FHIT: variants seen among roughly 807,000 people sequenced by gnomAD.
The protein encoded by FHIT is bis(5'-adenosyl)-triphosphatase.
Under a neutral mutation model 17.9 loss-of-function variants are expected in FHIT, and 19 were observed. The observed-to-expected ratio is 1.06, with a 90% CI of 0.74 to 1.56. The LOEUF is 1.56. FHIT is among the 40% of genes most tolerant of loss of function. The pLI, the probability that FHIT is intolerant of heterozygous loss-of-function variation, is 0.00. For missense variants in FHIT, 248 were observed against 189.2 expected (o/e 1.31, Z -1.82); for synonymous variants, 81 against 69.7 (o/e 1.16, Z -0.81).
intron 3 of FHIT, among the ~76,000 whole-genome samples, chr3:60,842,646 T>TA (rs1491100730): frequency 0.55 from 43,459 of 78,338 alleles, 11,202 homozygotes; most frequent in East Asian, 0.65. Context: ...TATATATATA[T>TA]TTTTTTTTTT....
intron 4 of FHIT, among the ~76,000 whole-genome samples, chr3:60,612,799 T>G (rs1046829035): frequency 4.6e-5 from 7 of 152,152 alleles, no homozygotes; most frequent in African/African-American, 1.4e-4. Context: ...CACTCCCATC[T>G]CCTCAGGCTG....
intron 7 of FHIT, among the ~76,000 whole-genome samples, chr3:59,952,286 C>T (rs1210362560): frequency 1.3e-5 from 2 of 152,206 alleles, no homozygotes; most frequent in Non-Finnish European, 2.9e-5. Context: ...AGACCACCCA[C>T]ACTGTGCATT....
chr3:59,795,584 C>T (rs1427436228), intron 8 of FHIT, among the ~76,000 whole-genome samples: 1 of 150,484 alleles, frequency 6.6e-6, no homozygotes, highest in Non-Finnish European at 1.5e-5. Context: ...ATGAGCTGGG[C>T]ACGGTGGTGG....
chr3:60,102,768 G>T (rs758461136), intron 5 of FHIT, among the ~76,000 whole-genome samples: 4 of 151,960 alleles, frequency 2.6e-5, no homozygotes, highest in Non-Finnish European at 5.9e-5. Context: ...CATCATTACA[G>T]GATTCAAGGG....
intron 4 of FHIT, among the ~76,000 whole-genome samples, chr3:60,751,259 A>C (rs1164148559): frequency 2.0e-5 from 3 of 152,234 alleles, no homozygotes; most frequent in Admixed American, 1.3e-4. Context: ...CTCTTTTCTA[A>C]TTTTATATAG....
chr3:60,833,112 A>T (rs1702390871), intron 3 of FHIT, among the ~76,000 whole-genome samples: 3 of 152,116 alleles, frequency 2.0e-5, no homozygotes, highest in Non-Finnish European at 2.9e-5. Context: ...CCTGGGTGCC[A>T]TTGTTCTGAG....
chr3:60,210,757 C>T (rs892510038), intron 5 of FHIT, among the ~76,000 whole-genome samples: 51 of 151,960 alleles, frequency 3.4e-4, no homozygotes, highest in Non-Finnish European at 1.5e-5. Flanking sequence ...AGTATGTTGG[C>T]CAGACTTAGG....
chr3:60,486,106 C>A (rs2687174), intron 5 of FHIT, among the ~76,000 whole-genome samples: 151,904 of 152,214 alleles, frequency 1, 75,797 homozygotes, highest in Non-Finnish European at 1. Context: ...ACTAACTAAT[C>A]TATGCTGTCC....
intron 5 of FHIT, among the ~76,000 whole-genome samples, chr3:60,350,655 C>A (rs976840980): frequency 4.6e-5 from 7 of 152,106 alleles, no homozygotes; most frequent in African/African-American, 1.7e-4. Context: ...AACAGTGCTA[C>A]TTAAAGTATG....
chr3:60,929,408 G>C (rs1224305484), intron 3 of FHIT, among the ~76,000 whole-genome samples: 1 of 152,188 alleles, frequency 6.6e-6, no homozygotes, highest in African/African-American at 2.4e-5. Context: ...ATTAGGAAAA[G>C]AGGAAATCCA....
At chr3:59,780,011 C>G (rs2106874964) in intron 8 of FHIT, among the ~76,000 whole-genome samples, 1 of 152,310 alleles carries the variant, frequency 6.6e-6, no homozygotes, top group Admixed American at 6.5e-5. Flanking sequence ...CAAGCATAGC[C>G]TGCCTCATAG....
chr3:59,843,328 C>T (rs1701598854), intron 8 of FHIT, among the ~76,000 whole-genome samples: 1 of 152,096 alleles, frequency 6.6e-6, no homozygotes, highest in Admixed American at 6.6e-5. Flanking sequence ...CTACAGTTTA[C>T]AGTAAGTTTT....
At chr3:60,707,662 T>C (rs782184458) in intron 4 of FHIT, among the ~76,000 whole-genome samples, 1 of 152,230 alleles carries the variant, frequency 6.6e-6, no homozygotes, top group Non-Finnish European at 1.5e-5. Flanking sequence ...ATTACTGTTC[T>C]GTCTTCCCTT....
chr3:61,012,816 T>A (rs1463508864), intron 3 of FHIT, among the ~76,000 whole-genome samples: 3 of 151,750 alleles, frequency 2.0e-5, no homozygotes, highest in Admixed American at 1.3e-4. Flanking sequence ...AAATTCAAAA[T>A]TTTTTTAAAA....
intron 5 of FHIT, among the ~76,000 whole-genome samples, chr3:60,370,861 T>C (rs887937509): frequency 1.3e-5 from 2 of 152,236 alleles, no homozygotes; most frequent in Non-Finnish European, 2.9e-5. Flanking sequence ...GTTTCCTGTT[T>C]TAAAATGTAC....
chr3:60,840,298 T>C (rs1702677808), intron 3 of FHIT, among the ~76,000 whole-genome samples: 1 of 152,186 alleles, frequency 6.6e-6, no homozygotes, highest in Admixed American at 6.5e-5. Flanking sequence ...CTTCTAATTT[T>C]CACATCTTTC....
At chr3:61,186,814 T>C (rs986082369) in intron 2 of FHIT, among the ~76,000 whole-genome samples, 35 of 152,210 alleles carry the variant, frequency 2.3e-4, no homozygotes, top group Non-Finnish European at 4.0e-4. Flanking sequence ...AGTTGCAAGA[T>C]TCAGAACTCT....
chr3:59,921,936 C>G (rs1705425039), intron 8 of FHIT, among the ~76,000 whole-genome samples: 1 of 152,190 alleles, frequency 6.6e-6, no homozygotes, highest in Admixed American at 6.5e-5. Context: ...TTGGGAAAGA[C>G]AAGCTGAGTT....
intron 5 of FHIT, among the ~76,000 whole-genome samples, chr3:60,384,855 AT>A (rs986643020): frequency 5.4e-5 from 8 of 147,564 alleles, no homozygotes; most frequent in African/African-American, 1.8e-4. Flanking sequence ...AAAAAAAAAA[AT>A]CTCAGAAATC....
Sources: gnomAD v4.1 joint callset for allele counts (sites outside exome capture counted in the v4.1 genomes callset) on GRCh38, gnomAD v4.1.1 for gene constraint, MANE v1.5 for transcripts, NCBI Gene and HGNC (gene_info 2026-07-23, HGNC 2026-07-21) for gene names.